Variants in TEAD4 observed in about 807,000 individuals in gnomAD.
TEAD4 encodes transcriptional enhancer factor TEF-3.
Under a neutral mutation model 52.4 loss-of-function variants are expected in TEAD4, and 36 were observed. The ratio of observed to expected loss-of-function variants is 0.69; its 90% CI spans 0.53 to 0.91. TEAD4 has a LOEUF of 0.91. Among genes scored for constraint, TEAD4 ranks in the 40% least tolerant of loss-of-function variants. The pLI is 0.00. For synonymous variants in TEAD4, 220 were observed against 231.0 expected (o/e 0.95, Z 0.43); for missense variants, 508 against 583.9 (o/e 0.87, Z 1.34).
At chr12:2,996,865 G>A (rs928171146) in intron 3 of TEAD4, among the ~76,000 whole-genome samples, 10 of 152,152 alleles carry the variant, frequency 6.6e-5, no homozygotes, top group African/African-American at 7.2e-5. Flanking sequence ...ACAGGCGTGC[G>A]CCACCACGCT....
At chr12:3,028,782 C>T (rs1227502461) in intron 10 of TEAD4, among the ~76,000 whole-genome samples, 1 of 152,016 alleles carries the variant, frequency 6.6e-6, no homozygotes, top group Non-Finnish European at 1.5e-5. Flanking sequence ...AGGCACGCAC[C>T]ACCATGCCCA....
intron 2 of TEAD4, among the ~76,000 whole-genome samples, chr12:2,989,688 C>T (rs2153954950): frequency 6.6e-6 from 1 of 152,124 alleles, no homozygotes. Context: ...CATCCACCTG[C>T]CTTGGCCTCC....
chr12:3,016,473 C>T (rs993495601), intron 5 of TEAD4, among the ~76,000 whole-genome samples: 29 of 151,978 alleles, frequency 1.9e-4, no homozygotes, highest in Admixed American at 6.6e-5. Flanking sequence ...GGTACAGTAA[C>T]GCATGCCCGT....
intron 10 of TEAD4, among the ~76,000 whole-genome samples, chr12:3,031,070 T>C (rs966585355): frequency 1.3e-5 from 2 of 152,190 alleles, no homozygotes; most frequent in African/African-American, 2.4e-5. Flanking sequence ...GGCAGGATGC[T>C]GTCCACTTTT....
Position 3,040,273 on chromosome 12 carries a change from G to A in TEAD4, c.1191+14G>A, listed in dbSNP as rs1283625324. 5 of 1,614,158 alleles carry A rather than the reference G, an allele frequency of 3.1e-6. No individual in the cohort carries two copies. The highest frequency in any genetic ancestry group is 1.7e-4 in the Middle Eastern group (1 of 6,060). The stretch of plus-strand genomic sequence containing the variant: ...ACCATCCTGCAGGTGTGCGGCGGGT[G>A]CTGCGGGTGTGGCTGGAGTCTGTGT... On this transcript the variant is annotated intron_variant, in intron 12 of 12. Transcript: ENST00000359864.
At chr12:3,000,949 G>A (rs11062451) in intron 3 of TEAD4, among the ~76,000 whole-genome samples, 107,400 of 152,134 alleles carry the variant, frequency 0.71, 41,561 homozygotes, top group Non-Finnish European at 0.87. Context: ...CCTGCCCCCC[G>A]CTTCTTCACC....
At chr12:3,014,562 G>A (rs989732538) in intron 5 of TEAD4, among the ~76,000 whole-genome samples, 4 of 152,240 alleles carry the variant, frequency 2.6e-5, no homozygotes, top group Non-Finnish European at 5.9e-5. Flanking sequence ...AAATCCCTGA[G>A]TGAGAGGCTG....
chr12:3,019,041 CA>C, intron 7 of TEAD4, 73 bp from the exon 8 acceptor site: 1 of 1,569,004 alleles, frequency 6.4e-7, no homozygotes, highest in South Asian at 1.1e-5. Flanking sequence ...CCACACAGAC[CA>C]CTGGACCCAG....
At chr12:3,011,148 C>A in intron 4 of TEAD4, 80 bp downstream of exon 4, 1 of 1,481,482 alleles carries the variant, frequency 6.7e-7, no homozygotes, top group South Asian at 1.2e-5. Context: ...CAGGCCCTCC[C>A]AGGACCAGAC....
chr12:2,985,141 T>C (rs1335082128), intron 2 of TEAD4, among the ~76,000 whole-genome samples: 1 of 152,114 alleles, frequency 6.6e-6, no homozygotes, highest in Non-Finnish European at 1.5e-5. Context: ...TCCCAGCACT[T>C]TGGGAGGCCG....
At chr12:2,991,160 G>T (rs1188915048) in intron 2 of TEAD4, among the ~76,000 whole-genome samples, 1 of 152,252 alleles carries the variant, frequency 6.6e-6, no homozygotes, top group South Asian at 2.1e-4. Context: ...GATCTTGCCA[G>T]TGCACTTCAG....
At chr12:3,030,694 TAGTC>T (rs1359826776) in intron 10 of TEAD4, among the ~76,000 whole-genome samples, 9 of 151,976 alleles carry the variant, frequency 5.9e-5, no homozygotes, top group Non-Finnish European at 1.3e-4. Context: ...TAAACTGGGG[TAGTC>T]AGTCTCCCAC....
intron 2 of TEAD4, among the ~76,000 whole-genome samples, chr12:2,991,675 A>AT (rs2098243102): frequency 6.6e-6 from 1 of 152,072 alleles, no homozygotes; most frequent in Admixed American, 6.6e-5. Context: ...ACAAAAAAAA[A>AT]GAAGTTTGTT....
intron 2 of TEAD4, among the ~76,000 whole-genome samples, chr12:2,987,223 G>T (rs909395456): frequency 1.2e-4 from 18 of 152,124 alleles, no homozygotes; most frequent in Non-Finnish European, 2.2e-4. Flanking sequence ...CTTGGGTGGG[G>T]ATCCCCCAAG....
intron 2 of TEAD4, among the ~76,000 whole-genome samples, chr12:2,980,043 A>G (rs994666468): frequency 4.6e-5 from 7 of 152,142 alleles, no homozygotes; most frequent in African/African-American, 1.7e-4. Flanking sequence ...AGTGATGGTC[A>G]TGGAGGTTGG....
chr12:2,964,007 T>A (rs1359550467), intron 2 of TEAD4, among the ~76,000 whole-genome samples: 1 of 151,606 alleles, frequency 6.6e-6, no homozygotes, highest in Non-Finnish European at 1.5e-5. Flanking sequence ...GGGGTGACCC[T>A]CCTGGGGGAT....
At chr12:2,996,948 GT>G (rs1449551765) in intron 3 of TEAD4, among the ~76,000 whole-genome samples, 2 of 152,196 alleles carry the variant, frequency 1.3e-5, no homozygotes, top group Admixed American at 1.3e-4. Flanking sequence ...ACTTGAATGT[GT>G]TTGTGGCAGT....
intron 2 of TEAD4, among the ~76,000 whole-genome samples, chr12:2,965,505 T>G (rs1275593732): frequency 6.6e-6 from 1 of 152,168 alleles, no homozygotes; most frequent in Non-Finnish European, 1.5e-5. Flanking sequence ...AAAGTGAAGT[T>G]AATGTTGGTG....
intron 3 of TEAD4, among the ~76,000 whole-genome samples, chr12:2,999,588 C>T (rs192478453): frequency 3.9e-5 from 6 of 152,328 alleles, no homozygotes; most frequent in Non-Finnish European, 5.9e-5. Flanking sequence ...CCTTGAGCAC[C>T]TCTTACCCTC....
Sources: gnomAD v4.1 joint callset for allele counts (sites outside exome capture counted in the v4.1 genomes callset) on GRCh38, gnomAD v4.1.1 for gene constraint, MANE v1.5 for transcripts, NCBI Gene and HGNC (gene_info 2026-07-23, HGNC 2026-07-21) for gene names.